Variants in CCDC192 observed in about 807,000 individuals in gnomAD.
CCDC192 encodes the protein coiled-coil domain-containing protein 192.
intron 5 of CCDC192, among the ~76,000 whole-genome samples, chr5:127,814,714 A>G (rs888654856): frequency 2.0e-5 from 3 of 152,206 alleles, no homozygotes; most frequent in African/African-American, 7.2e-5. Context: ...TAGAATAAGA[A>G]TTTAGACTTT....
intron 3 of CCDC192, among the ~76,000 whole-genome samples, chr5:127,778,914 A>T (rs1335349762): frequency 3.9e-5 from 6 of 152,060 alleles, no homozygotes; most frequent in Admixed American, 3.9e-4. Flanking sequence ...TCATTTGTTC[A>T]TACTAGTATC....
chr5:127,870,787 C>T (rs187672888), intron 5 of CCDC192, among the ~76,000 whole-genome samples: 46 of 152,238 alleles, frequency 3.0e-4, no homozygotes, highest in African/African-American at 9.6e-4. Context: ...TATATAAATA[C>T]GAAACATGTA....
intron 6 of CCDC192, among the ~76,000 whole-genome samples, chr5:127,890,426 C>T (rs1184740562): frequency 7.3e-6 from 1 of 137,446 alleles, no homozygotes; most frequent in African/African-American, 2.8e-5. Context: ...GCCTGGTCAA[C>T]AGAATGGCAG....
chr5:127,753,753 C>T lies in CCDC192; in HGVS notation c.115-515C>T, dbSNP rs553237879. Among the ~76,000 whole-genome samples the T allele has an allele frequency of 3.1e-4, 47 of 150,934 alleles. No individual in the cohort carries two copies. In the Middle Eastern group the frequency reaches 0.014, roughly 45 times the overall value. On this transcript the variant is annotated intron_variant, in intron 2 of 6. Transcript: ENST00000514853. ...AGTCTACACATCTGCTAATTTAAGTCATATTAGCCAGGCTCTGGGGAAGAA... is the reference window on the plus strand; with the variant it reads ...AGTCTACACATCTGCTAATTTAAGTTATATTAGCCAGGCTCTGGGGAAGAA...
At chr5:127,881,718 G>T (rs1300706092) in intron 6 of CCDC192, among the ~76,000 whole-genome samples, 2 of 152,154 alleles carry the variant, frequency 1.3e-5, no homozygotes, top group Non-Finnish European at 2.9e-5. Context: ...TACAAAACTG[G>T]CACAGCAGGA....
At chr5:127,782,465 A>G (rs1419444145) in intron 3 of CCDC192, among the ~76,000 whole-genome samples, 1 of 151,238 alleles carries the variant, frequency 6.6e-6, no homozygotes, top group Non-Finnish European at 1.5e-5. Context: ...TTTTGTTGGT[A>G]ATTTTAAAAT....
chr5:127,902,394 CACA>C (rs1342288550), intron 6 of CCDC192, among the ~76,000 whole-genome samples: 1 of 151,116 alleles, frequency 6.6e-6, no homozygotes, highest in African/African-American at 2.4e-5. Context: ...TCCTGACATT[CACA>C]ACATGTTTGT....
intron 2 of CCDC192, among the ~76,000 whole-genome samples, chr5:127,753,999 C>A (rs1480019322): frequency 6.6e-6 from 1 of 152,180 alleles, no homozygotes; most frequent in East Asian, 1.9e-4. Context: ...TAGTCAAATT[C>A]CAATGACAGT....
At position 127,752,783 on chromosome 5, in the gene CCDC192, C is replaced by T. The variant is rs1262074100; in HGVS notation, c.115-1485C>T. 3.3e-5 allele frequency among the ~76,000 whole-genome samples: 5 copies of T among 152,330 alleles called. No individual in the cohort carries two copies. The East Asian group carries it at 9.7e-4, about 29-fold the overall frequency. On this transcript the variant is annotated intron_variant, in intron 2 of 6. Transcript: ENST00000514853. ...CAGCGAGACTCCGTGGGCGTAGGAC[C>T]CTCTGAGCCAGGTGCGAGATATAAT...
chr5:127,702,669 A>G (rs1313427025), upstream of CCDC192, among the ~76,000 whole-genome samples: 2 of 152,226 alleles, frequency 1.3e-5, no homozygotes, highest in African/African-American at 2.4e-5. Context: ...GGGTGAGTCC[A>G]GGACATACAG....
rs755105949 is a variant in CCDC192 at position 127,757,794 on chromosome 5, ACACACTCT to A, written c.222+3421_222+3428del. Among the ~76,000 whole-genome samples the A allele has an allele frequency of 9.8e-3, 980 of 99,978 alleles. 4 individuals are homozygous for A. The highest frequency in any genetic ancestry group is 0.034 in the African/African-American group (916 of 26,790). The allele number at this position is 99,978 out of a possible 152,430, so 65.6% of individuals were successfully genotyped here. A position where few individuals can be genotyped will look rare whatever the true frequency, so the allele number is the denominator to read the frequency against. ...CACACACACACACACACACACACAC[ACACACTCT>A]CTCTCTCTCTCTCTCTCAATCTGTG... On this transcript the variant is annotated intron_variant, in intron 3 of 6. Transcript: ENST00000514853.
chr5:127,719,522 T>TACACAC (rs1561444887), intron 2 of CCDC192, among the ~76,000 whole-genome samples: 14 of 49,524 alleles, frequency 2.8e-4, no homozygotes, highest in African/African-American at 8.2e-4. Flanking sequence ...TATATATATA[T>TACACAC]ATACACACAT....
chr5:127,794,258 C>T (rs1382303068), intron 3 of CCDC192, among the ~76,000 whole-genome samples: 1 of 152,158 alleles, frequency 6.6e-6, no homozygotes, highest in Admixed American at 6.5e-5. Flanking sequence ...CCAGGGCCTA[C>T]TTTGGAGCTG....
At chr5:127,709,174 A>G (rs1467735113) in intron 2 of CCDC192, among the ~76,000 whole-genome samples, 6 of 95,688 alleles carry the variant, frequency 6.3e-5, no homozygotes, top group East Asian at 4.0e-4. Context: ...GGAGAGGGGG[A>G]GAGAGGGGGA....
intron 6 of CCDC192, among the ~76,000 whole-genome samples, chr5:127,914,908 G>A (rs1305677128): frequency 1.3e-5 from 2 of 152,128 alleles, no homozygotes; most frequent in Admixed American, 6.6e-5. Context: ...GCCCAAGTTT[G>A]AACATGAATT....
At position 127,757,798 on chromosome 5, in the gene CCDC192, A is replaced by ACT. The variant is rs112955117; in HGVS notation, c.222+3443_222+3444dup. 2.0e-4 allele frequency among the ~76,000 whole-genome samples: 24 copies of ACT among 117,358 alleles called. No homozygotes were observed. The South Asian group carries it at 4.0e-3, about 19-fold the overall frequency. 77.0% of individuals were successfully genotyped at this position (117,358 alleles called of 152,430 possible). A position where few individuals can be genotyped will look rare whatever the true frequency, so the allele number is the denominator to read the frequency against. On this transcript the variant is annotated intron_variant, in intron 3 of 6. Transcript: ENST00000514853. ...CACACACACACACACACACACACAC[A>ACT]CTCTCTCTCTCTCTCTCTCTCAATC...
intron 1 of CCDC192, among the ~76,000 whole-genome samples, chr5:127,707,230 A>G (rs1356533978): frequency 6.6e-6 from 1 of 152,206 alleles, no homozygotes; most frequent in African/African-American, 2.4e-5. Flanking sequence ...CAGTATAATC[A>G]AGTGGAAACT....
At chr5:127,890,852 A>G (rs1170340629) in intron 6 of CCDC192, among the ~76,000 whole-genome samples, 1 of 152,186 alleles carries the variant, frequency 6.6e-6, no homozygotes. Context: ...GGTGGAAGCT[A>G]TCTATCTCTG....
At chr5:127,877,788 C>G (rs1173948090) in intron 6 of CCDC192, among the ~76,000 whole-genome samples, 1 of 152,136 alleles carries the variant, frequency 6.6e-6, no homozygotes, top group Non-Finnish European at 1.5e-5. Context: ...TGGCCCACCC[C>G]CCCACACACA....
Sources: gnomAD v4.1 joint callset for allele counts (sites outside exome capture counted in the v4.1 genomes callset) on GRCh38, gnomAD v4.1.1 for gene constraint, MANE v1.5 for transcripts, NCBI Gene and HGNC (gene_info 2026-07-23, HGNC 2026-07-21) for gene names.